Variants in KAZN observed in about 807,000 individuals in gnomAD.
KAZN encodes the protein kazrin.
Under a neutral mutation model 87.4 loss-of-function variants are expected in KAZN, and 40 were observed. That is an observed-to-expected ratio of 0.46 (90% CI 0.36 to 0.60). The LOEUF is 0.60. Ranked by LOEUF, KAZN falls within the 20% of genes least tolerant of loss-of-function variation. KAZN has a pLI of 0.00. For synonymous variants in KAZN, 466 were observed against 458.3 expected (o/e 1.02, Z -0.22); for missense variants, 898 against 1,073.9 (o/e 0.84, Z 2.29).
intron 2 of KAZN, among the ~76,000 whole-genome samples, chr1:14,374,767 T>C (rs534380491): frequency 6.6e-6 from 1 of 152,270 alleles, no homozygotes; most frequent in East Asian, 1.9e-4. Context: ...AATTGACATA[T>C]ACAAATCATC....
chr1:14,993,608 C>T (rs984985232), intron 2 of KAZN, among the ~76,000 whole-genome samples: 2 of 152,206 alleles, frequency 1.3e-5, no homozygotes, highest in African/African-American at 2.4e-5. Context: ...CCCCACTCCC[C>T]GCCGCCACCC....
At chr1:14,747,301 G>T (rs1185821615) in intron 1 of KAZN, among the ~76,000 whole-genome samples, 1 of 151,758 alleles carries the variant, frequency 6.6e-6, no homozygotes, top group Non-Finnish European at 1.5e-5. Context: ...TTTGAGACAG[G>T]GTTTATCTCC....
At position 15,077,497 on chromosome 1, in the gene KAZN, T is replaced by A. The variant is rs1639810695; in HGVS notation, c.1222+11744T>A. On this transcript the variant is annotated intron_variant, in intron 8 of 14. Transcript: ENST00000376030. This position sits in a 1 kb window ranked among gnomAD's most constrained non-coding sequence, Gnocchi z 4.8. ...GCAGTGGAGAAGGGAAAAGGGGTCT[T>A]CGCTCAGCACTGCCCTCGGAGGCCT... Among the ~76,000 whole-genome samples the A allele has an allele frequency of 6.6e-6, 1 of 152,218 alleles. No individual in the cohort carries two copies.
At chr1:14,279,350 A>G (rs1652660288) in intron 2 of KAZN, among the ~76,000 whole-genome samples, 1 of 152,222 alleles carries the variant, frequency 6.6e-6, no homozygotes, top group Admixed American at 6.5e-5. Context: ...TCACAGGCAA[A>G]GAGCTTTCTG....
chr1:14,182,609 G>A (rs1646221331), intron 2 of KAZN, among the ~76,000 whole-genome samples: 1 of 152,178 alleles, frequency 6.6e-6, no homozygotes, highest in South Asian at 2.1e-4. Context: ...CTTATAAAAT[G>A]CCAAGGAATC....
At chr1:15,040,985 C>G (rs1009236802) in intron 3 of KAZN, among the ~76,000 whole-genome samples, 2 of 151,894 alleles carry the variant, frequency 1.3e-5, no homozygotes, top group African/African-American at 4.8e-5. Flanking sequence ...GAGTTTCACT[C>G]TGTTGCCCAG....
At chr1:15,007,978 C>G (rs1449713749) in intron 2 of KAZN, among the ~76,000 whole-genome samples, 2 of 152,210 alleles carry the variant, frequency 1.3e-5, no homozygotes, top group Non-Finnish European at 2.9e-5. Flanking sequence ...TGGGACTGGT[C>G]AGCTGCGGAG....
At chr1:14,197,030 T>C (rs2100387868) in intron 2 of KAZN, among the ~76,000 whole-genome samples, 1 of 152,090 alleles carries the variant, frequency 6.6e-6, no homozygotes, top group South Asian at 2.1e-4. Context: ...GGCAGCAATG[T>C]GGAGGACATT....
chr1:15,040,417 G>A (rs1406580089), intron 3 of KAZN, among the ~76,000 whole-genome samples: 10 of 152,110 alleles, frequency 6.6e-5, no homozygotes, highest in Admixed American at 2.0e-4. Context: ...ACTGGGAGTC[G>A]GGGGATGGCA....
chr1:14,209,544 T>C (rs1571022505), intron 2 of KAZN, among the ~76,000 whole-genome samples: 2 of 152,216 alleles, frequency 1.3e-5, no homozygotes, highest in East Asian at 3.8e-4. Context: ...GATTATAATA[T>C]TAATAAATTA....
chr1:14,536,334 C>A (rs945809039), intron 2 of KAZN, among the ~76,000 whole-genome samples: 3 of 152,198 alleles, frequency 2.0e-5, no homozygotes, highest in African/African-American at 4.8e-5. Context: ...GTGAATGTCC[C>A]TCACCACATG....
chr1:14,188,859 T>C (rs955941633), intron 2 of KAZN, among the ~76,000 whole-genome samples: 1 of 152,178 alleles, frequency 6.6e-6, no homozygotes, highest in African/African-American at 2.4e-5. Flanking sequence ...TTATCCGTTA[T>C]TTAGTATCTT....
rs2101509072 is a variant in KAZN, at chr1:14,923,190, T to C, written c.227-37494T>C. 6.6e-6 allele frequency among the ~76,000 whole-genome samples: 1 copy of C among 152,312 alleles called. No homozygotes were observed. Among genetic ancestry groups the C allele is most frequent in the East Asian group, 1.9e-4 (1 of 5,184 alleles). On this transcript the variant is annotated intron_variant, in intron 1 of 14. Coordinates refer to ENST00000376030, the MANE Select transcript of KAZN (RefSeq NM_201628.3). This position sits in a 1 kb window ranked among gnomAD's most constrained non-coding sequence, Gnocchi z 4.2. ...GCTGGGGGCTCCATGAGTGTGTGACTGACTCCTCACCTGGCTGTGTGGCCT... is the reference window on the plus strand; with the variant it reads ...GCTGGGGGCTCCATGAGTGTGTGACCGACTCCTCACCTGGCTGTGTGGCCT...
chr1:14,102,475 T>A (rs10928007), intron 1 of KAZN, among the ~76,000 whole-genome samples: 40,466 of 151,690 alleles, frequency 0.27, 5,679 homozygotes, highest in East Asian at 0.54. Context: ...AAATGGGTGA[T>A]CCTAGTTCCT....
At chr1:13,971,275 T>C (rs1642126857) in intron 1 of KAZN, among the ~76,000 whole-genome samples, 1 of 152,210 alleles carries the variant, frequency 6.6e-6, no homozygotes, top group Non-Finnish European at 1.5e-5. Context: ...TTACATAATC[T>C]TGATGTCTCT....
intron 1 of KAZN, among the ~76,000 whole-genome samples, chr1:14,632,889 C>T (rs961683756): frequency 6.6e-6 from 1 of 151,144 alleles, no homozygotes; most frequent in Non-Finnish European, 1.5e-5. Context: ...TAGACACTCT[C>T]CTGTTTGGGA....
In KAZN at chr1:14,241,642, C is replaced by A. The variant is rs75769477; in HGVS notation, c.249+61050C>A. Among the ~76,000 whole-genome samples the A allele has an allele frequency of 1.5e-3, 232 of 152,266 alleles. 2 individuals are homozygous for A. In the East Asian group the frequency reaches 0.039, roughly 26 times the overall value. ...TTTTGGCTTACTGACTCCTTCCTGT[C>A]CTTGGTGGGTAATGCACATTGCCAT... is the stretch of plus-strand genomic sequence containing the variant. On this transcript the variant is annotated intron_variant, in intron 2 of 16. Transcript: ENST00000636203.
intron 1 of KAZN, chr1:14,930,188 C>A: frequency 3.6e-6 from 2 of 560,746 alleles, no homozygotes; most frequent in Non-Finnish European, 4.5e-6. Context: ...AAACACCCTC[C>A]ACCTGGCACC....
intron 1 of KAZN, among the ~76,000 whole-genome samples, chr1:14,669,143 G>T (rs12023163): frequency 0.2 from 30,410 of 152,136 alleles, 3,169 homozygotes; most frequent in South Asian, 0.3. Flanking sequence ...GAGTTGGCCT[G>T]GGGTGCAGCC....
Sources: gnomAD v4.1 joint callset for allele counts (sites outside exome capture counted in the v4.1 genomes callset) on GRCh38, gnomAD v4.1.1 for gene constraint, Gnocchi (gnomAD v3.1) non-coding constraint, MANE v1.5 for transcripts, NCBI Gene and HGNC (gene_info 2026-07-23, HGNC 2026-07-21) for gene names.